AGBL4: variants seen among roughly 807,000 people sequenced by gnomAD.
AGBL4 encodes the protein cytosolic carboxypeptidase 6.
A neutral mutation model predicts 66.4 loss-of-function variants in AGBL4; 58 were observed. The observed-to-expected ratio is 0.87, with a 90% CI of 0.71 to 1.09. The LOEUF (loss-of-function observed/expected upper bound fraction) is 1.09, where lower values mean the gene tolerates loss of function less well. AGBL4 is among the 50% of genes least tolerant of loss of function. The pLI is 0.00. For missense variants in AGBL4, 579 were observed against 631.0 expected (o/e 0.92, Z 0.88); for synonymous variants, 234 against 222.9 (o/e 1.05, Z -0.44).
At chr1:49,377,359 ATTAT>A (rs1292443903) in intron 3 of AGBL4, among the ~76,000 whole-genome samples, 3 of 152,104 alleles carry the variant, frequency 2.0e-5, no homozygotes, top group Non-Finnish European at 4.4e-5. Context: ...TGAAGCTGAT[ATTAT>A]TATATTACCA....
intron 2 of AGBL4, chr1:49,844,894 A>G (rs1646096353): frequency 1.4e-6 from 2 of 1,401,826 alleles, no homozygotes; most frequent in Admixed American, 1.7e-5. Flanking sequence ...GCCTTTGAAG[A>G]TGCCTGTTCA....
At chr1:49,935,587 C>T (rs561623524) in intron 1 of AGBL4, among the ~76,000 whole-genome samples, 93 of 152,312 alleles carry the variant, frequency 6.1e-4, no homozygotes, top group African/African-American at 1.8e-3. Context: ...GGCACCCCCC[C>T]AGTAGGGGCA....
intron 1 of AGBL4, among the ~76,000 whole-genome samples, chr1:49,932,590 T>G (rs1213206348): frequency 1.3e-5 from 2 of 152,096 alleles, no homozygotes; most frequent in East Asian, 3.9e-4. Context: ...AAAGTGTAAA[T>G]CAGGTATCTG....
At chr1:49,897,139 G>T (rs374080491) in intron 1 of AGBL4, among the ~76,000 whole-genome samples, 1 of 151,926 alleles carries the variant, frequency 6.6e-6, no homozygotes, top group African/African-American at 2.4e-5. Context: ...AGACATAAAG[G>T]TCATCTACAT....
intron 5 of AGBL4, among the ~76,000 whole-genome samples, chr1:49,000,193 G>A (rs1171583497): frequency 6.6e-5 from 10 of 152,096 alleles, no homozygotes; most frequent in Admixed American, 6.5e-4. Flanking sequence ...AGTTACATGC[G>A]TCTCCCAAGG....
intron 3 of AGBL4, among the ~76,000 whole-genome samples, chr1:49,498,837 G>C (rs1182909177): frequency 6.6e-6 from 1 of 151,932 alleles, no homozygotes; most frequent in Non-Finnish European, 1.5e-5. Flanking sequence ...TTCAGTTAAT[G>C]TGGTATTGTT....
chr1:49,853,193 G>A (rs949834218), intron 1 of AGBL4, among the ~76,000 whole-genome samples: 2 of 152,124 alleles, frequency 1.3e-5, no homozygotes, highest in Non-Finnish European at 2.9e-5. Context: ...GGAATTATCA[G>A]ACAATGATTT....
intron 3 of AGBL4, among the ~76,000 whole-genome samples, chr1:49,587,227 C>T (rs1005677736): frequency 7.0e-6 from 1 of 142,122 alleles, no homozygotes; most frequent in African/African-American, 2.6e-5. Context: ...GCCTGGGCAA[C>T]AAGAGTGAAA....
chr1:49,845,679 T>TGG, intron 2 of AGBL4: 1 of 1,604,254 alleles, frequency 6.2e-7, no homozygotes. Context: ...GCAGTGAGTC[T>TGG]GGGAAAGCCT....
chr1:49,586,006 T>A (rs185214376), intron 3 of AGBL4, among the ~76,000 whole-genome samples: 1 of 152,332 alleles, frequency 6.6e-6, no homozygotes, highest in African/African-American at 2.4e-5. Flanking sequence ...AATTACAAGT[T>A]CTAAAATAAT....
intron 3 of AGBL4, among the ~76,000 whole-genome samples, chr1:49,618,964 T>C (rs1645304052): frequency 6.6e-6 from 1 of 152,160 alleles, no homozygotes; most frequent in Non-Finnish European, 1.5e-5. Flanking sequence ...TGATGGAACA[T>C]ATCTCAAAAT....
At chr1:49,845,580 C>T (rs1476045459) in intron 2 of AGBL4, 39 of 1,604,206 alleles carry the variant, frequency 2.4e-5, no homozygotes, top group Middle Eastern at 1.7e-4. Flanking sequence ...AGAAGCCCTA[C>T]GAGTGCCATG....
intron 3 of AGBL4, among the ~76,000 whole-genome samples, chr1:49,634,491 C>T (rs1645633183): frequency 6.6e-6 from 1 of 152,124 alleles, no homozygotes; most frequent in Non-Finnish European, 1.5e-5. Flanking sequence ...GATTCCAAGT[C>T]TTTGCTACTG....
intron 3 of AGBL4, among the ~76,000 whole-genome samples, chr1:49,413,914 G>A (rs978453298): frequency 2.0e-5 from 3 of 152,026 alleles, no homozygotes; most frequent in Admixed American, 1.3e-4. Flanking sequence ...TAAATGAAGA[G>A]GATAACTAAT....
At chr1:49,826,945 G>T (rs1645525580) in intron 2 of AGBL4, among the ~76,000 whole-genome samples, 3 of 152,096 alleles carry the variant, frequency 2.0e-5, no homozygotes, top group Non-Finnish European at 4.4e-5. Context: ...GTAAGTTTGG[G>T]TACAGACTTT....
chr1:49,308,451 G>A (rs1644887570), intron 3 of AGBL4, among the ~76,000 whole-genome samples: 1 of 151,998 alleles, frequency 6.6e-6, no homozygotes, highest in Non-Finnish European at 1.5e-5. Context: ...GCAAGGAAAA[G>A]TATGCTGTCA....
intron 2 of AGBL4, among the ~76,000 whole-genome samples, chr1:49,788,780 C>T (rs1017307687): frequency 1.3e-5 from 2 of 152,120 alleles, no homozygotes; most frequent in African/African-American, 4.8e-5. Context: ...AAATAACAAG[C>T]ATGTAATAAG....
chr1:48,834,556 G>C (rs960700362), intron 6 of AGBL4, among the ~76,000 whole-genome samples: 1 of 152,092 alleles, frequency 6.6e-6, no homozygotes, highest in African/African-American at 2.4e-5. Flanking sequence ...TTTATAAGAA[G>C]AGAAAGGGAG....
intron 6 of AGBL4, among the ~76,000 whole-genome samples, chr1:48,677,995 G>T (rs1401903667): frequency 2.6e-5 from 4 of 152,246 alleles, no homozygotes; most frequent in African/African-American, 7.2e-5. Flanking sequence ...CCAGGACACA[G>T]TTTCTGACTG....
Sources: gnomAD v4.1 joint callset for allele counts (sites outside exome capture counted in the v4.1 genomes callset) on GRCh38, gnomAD v4.1.1 for gene constraint, MANE v1.5 for transcripts, NCBI Gene and HGNC (gene_info 2026-07-23, HGNC 2026-07-21) for gene names.